SRL: variants seen among roughly 807,000 people sequenced by gnomAD.
SRL encodes sarcalumenin.
A neutral mutation model predicts 39.5 loss-of-function variants in SRL; 23 were observed. The ratio of observed to expected loss-of-function variants is 0.58; its 90% CI spans 0.42 to 0.82. The LOEUF is 0.82. Among genes scored for constraint, SRL ranks in the 40% least tolerant of loss-of-function variants. SRL has a pLI of 0.00. For synonymous variants in SRL, 272 were observed against 237.4 expected (o/e 1.15, Z -1.34); for missense variants, 592 against 607.8 (o/e 0.97, Z 0.27).
At chr16:4,230,914 G>T (rs1401816303) in intron 1 of SRL, among the ~76,000 whole-genome samples, 1 of 152,180 alleles carries the variant, frequency 6.6e-6, no homozygotes, top group Non-Finnish European at 1.5e-5. Flanking sequence ...GCAACCACTG[G>T]ATGCTGGAAG....
intron 3 of SRL, among the ~76,000 whole-genome samples, chr16:4,200,862 C>T (rs1221404982): frequency 6.6e-6 from 1 of 152,200 alleles, no homozygotes; most frequent in Admixed American, 6.5e-5. Flanking sequence ...CTATTACACC[C>T]TGGCCACTTA....
chr16:4,211,851 C>T (rs993821489), intron 1 of SRL, among the ~76,000 whole-genome samples: 57 of 151,110 alleles, frequency 3.8e-4, no homozygotes, highest in Non-Finnish European at 5.0e-4. Context: ...ATGGTGATGA[C>T]GACGATGACG....
Position 4,191,037 on chromosome 16 carries a change from A to G in SRL, c.*1116T>C, listed in dbSNP as rs1256726868. ...CTGAGTTTTCCAAGACATGCAATAG[A>G]CAAAGACGCACTGCAAACCAATTAA... On this transcript the variant is annotated 3_prime_UTR_variant, in exon 6 of 6. Transcript: ENST00000399609. 6.6e-6 allele frequency: 1 copy of G among 152,508 alleles called. No individual in the cohort carries two copies. The highest frequency in any genetic ancestry group is 1.9e-4 in the East Asian group (1 of 5,202). 9.4% of individuals were successfully genotyped at this position (152,508 alleles called of 1,614,324 possible).
chr16:4,194,239 C>T (rs1040066954), intron 5 of SRL, among the ~76,000 whole-genome samples: 22 of 152,208 alleles, frequency 1.4e-4, no homozygotes, highest in Non-Finnish European at 3.2e-4. Context: ...GTTGCACAAC[C>T]ATCATGGCCA....
intron 5 of SRL, 92 bp downstream of exon 5, chr16:4,195,461 G>T: frequency 7.9e-7 from 1 of 1,260,834 alleles, no homozygotes; most frequent in Non-Finnish European, 1.1e-6. Context: ...GTCTCCCAAA[G>T]AGTTGGGATC....
intron 1 of SRL, among the ~76,000 whole-genome samples, chr16:4,238,562 A>G (rs1040643986): frequency 5.3e-5 from 8 of 151,906 alleles, no homozygotes; most frequent in African/African-American, 1.7e-4. Flanking sequence ...TAATACCTGG[A>G]TGTAGGAAAA....
At chr16:4,231,066 C>A (rs189598234) in intron 1 of SRL, among the ~76,000 whole-genome samples, 1 of 152,228 alleles carries the variant, frequency 6.6e-6, no homozygotes, top group East Asian at 1.9e-4. Context: ...ACCTGTAATC[C>A]CAGCACTTTG....
intron 1 of SRL, among the ~76,000 whole-genome samples, chr16:4,215,399 T>C (rs62037571): frequency 0.16 from 24,088 of 152,242 alleles, 2,290 homozygotes; most frequent in Middle Eastern, 0.3. Context: ...GACAAAAGTA[T>C]GACAGGGTAC....
chr16:4,204,709 C>G, intron 1 of SRL, 75 bp from the exon 2 acceptor site: 1 of 1,361,162 alleles, frequency 7.3e-7, no homozygotes, highest in South Asian at 1.2e-5. Context: ...GCACAGCAGA[C>G]GAGGGCTGGG....
At position 4,189,444 on chromosome 16, in the gene SRL, A is replaced by T. The variant is rs1404816464; in HGVS notation, c.*2709T>A. 6.6e-6 allele frequency: 1 copy of T among 152,172 alleles called. No individual in the cohort carries two copies. 9.4% of individuals were successfully genotyped at this position (152,172 alleles called of 1,614,324 possible). A position where few individuals can be genotyped will look rare whatever the true frequency, so the allele number is the denominator to read the frequency against. ...AAAAGAACACTGGAAAGGTTCTGCC[A>T]CTGTCCAGGCACAGATCCTTCCAGA... On this transcript the variant is annotated 3_prime_UTR_variant, in exon 6 of 6. Coordinates refer to ENST00000399609, the MANE Select transcript of SRL (RefSeq NM_001098814.2).
intron 1 of SRL, among the ~76,000 whole-genome samples, chr16:4,225,936 C>T (rs1050160025): frequency 1.3e-5 from 2 of 152,116 alleles, no homozygotes; most frequent in African/African-American, 4.8e-5. Flanking sequence ...CCATGTGCCC[C>T]CTCGTCCACT....
chr16:4,214,427 G>C (rs77076679), intron 1 of SRL, among the ~76,000 whole-genome samples: 2 of 152,126 alleles, frequency 1.3e-5, no homozygotes, highest in East Asian at 1.9e-4. Flanking sequence ...AATCCCCAGC[G>C]GGGGCAGGAA....
chr16:4,205,182 TG>T (rs2052302907), intron 1 of SRL, among the ~76,000 whole-genome samples: 2 of 150,948 alleles, frequency 1.3e-5, no homozygotes, highest in South Asian at 4.2e-4. Context: ...TTCCAAGGAG[TG>T]GTGCACACCC....
intron 1 of SRL, among the ~76,000 whole-genome samples, chr16:4,241,387 CCCCCA>C (rs2052770500): frequency 6.6e-6 from 1 of 152,198 alleles, no homozygotes; most frequent in African/African-American, 2.4e-5. Flanking sequence ...CTGATGGAAG[CCCCCA>C]CCCCGAGCAG....
At position 4,204,492 on chromosome 16, in the gene SRL, G is replaced by A. The variant is rs114003864; in HGVS notation, c.163+41C>T. The A allele has an allele frequency of 5.3e-3, 7,724 of 1,466,262 alleles. 309 individuals are homozygous for A. In the African/African-American group the frequency reaches 0.11, roughly 21 times the overall value. The allele number at this position is 1,466,262 out of a possible 1,614,324, so 90.8% of individuals were successfully genotyped here. A position where few individuals can be genotyped will look rare whatever the true frequency, so the allele number is the denominator to read the frequency against. On this transcript the variant is annotated intron_variant, in intron 2 of 5. Transcript: ENST00000399609. ...GGAGTCTGCCCGGGCCCTGGTGGCC[G>A]GGCTCTCCCAGCCCTGGGCATATCT...
chr16:4,203,485 C>A (rs756134526), intron 2 of SRL, among the ~76,000 whole-genome samples: 15 of 152,180 alleles, frequency 9.9e-5, no homozygotes, highest in Non-Finnish European at 2.1e-4. Context: ...CTACCCACCC[C>A]CAAAGCTTCC....
chr16:4,211,543 G>A (rs1597280584), intron 1 of SRL, among the ~76,000 whole-genome samples: 1 of 128,570 alleles, frequency 7.8e-6, no homozygotes, highest in South Asian at 2.4e-4. Flanking sequence ...TGATGGTGAT[G>A]ACCGTGCCGA....
intron 1 of SRL, among the ~76,000 whole-genome samples, chr16:4,226,232 T>A (rs1232601929): frequency 2.0e-5 from 3 of 152,246 alleles, no homozygotes; most frequent in Non-Finnish European, 1.5e-5. Flanking sequence ...GTTTCCTGTC[T>A]GTCAGGGATT....
rs751589197 is a variant in SRL, at chr16:4,195,638, G to T, written c.525C>A (p.Gly175=). Residue 175 remains glycine, a synonymous_variant, in exon 5 of 6, where the codon GGC becomes GGA. Coordinates refer to ENST00000399609, the MANE Select transcript of SRL (RefSeq NM_001098814.2). ...FGQNFLEKLI[G]IEVPHKLLER... is the part of the protein sequence containing the mutation. ...CCAGAAGTTTGTGGGGAACCTCAAT[G>T]CCAATCAGCTTCTCTAGGAAATTCT... is the stretch of plus-strand genomic sequence containing the variant. 1.2e-6 allele frequency: 2 copies of T among 1,614,222 alleles called. No homozygotes were observed. The highest frequency in any genetic ancestry group is 8.5e-7 in the Non-Finnish European group (1 of 1,180,048).
Sources: allele counts gnomAD v4.1 joint callset (sites outside exome capture counted in the v4.1 genomes callset), GRCh38; gene constraint gnomAD v4.1.1; transcripts MANE v1.5; gene names NCBI Gene and HGNC (gene_info 2026-07-23, HGNC 2026-07-21).